ZFHX3: variants seen among roughly 807,000 people sequenced by gnomAD.
The protein encoded by ZFHX3 is zinc finger homeobox protein 3.
Under a neutral mutation model 279.1 loss-of-function variants are expected in ZFHX3, and 42 were observed. The ratio of observed to expected loss-of-function variants is 0.15; its 90% confidence interval spans 0.12 to 0.19. ZFHX3 has a LOEUF of 0.19. Among genes scored for constraint, ZFHX3 ranks in the 10% least tolerant of loss-of-function variants. The pLI is 1.00. For synonymous variants in ZFHX3, 2,293 were observed against 1,957.8 expected, an observed-to-expected ratio of 1.17 and a Z score of -4.52; for missense variants, 4,981 against 4,754.0, an observed-to-expected ratio of 1.05 and a Z score of -1.40.
intron 4 of ZFHX3, among the ~76,000 whole-genome samples, chr16:73,288,748 T>C (rs908398908): frequency 2.6e-5 from 4 of 152,082 alleles, no homozygotes; most frequent in Non-Finnish European, 4.4e-5. Flanking sequence ...GCCAAGATTA[T>C]GTCTTCAGTG....
At chr16:73,355,925 G>C (rs927044055) in intron 3 of ZFHX3, among the ~76,000 whole-genome samples, 4 of 152,178 alleles carry the variant, frequency 2.6e-5, no homozygotes, top group Non-Finnish European at 4.4e-5. Flanking sequence ...ATTACTGAGA[G>C]AGTTGAGCCT....
intron 4 of ZFHX3, among the ~76,000 whole-genome samples, chr16:72,878,737 C>A (rs868475026): frequency 6.6e-6 from 1 of 152,246 alleles, no homozygotes; most frequent in Middle Eastern, 3.4e-3. Context: ...GCAAGGAGGC[C>A]AGACGCAGTG....
intron 1 of ZFHX3, among the ~76,000 whole-genome samples, chr16:72,996,845 A>G (rs765290737): frequency 1.3e-5 from 2 of 152,258 alleles, no homozygotes; most frequent in Admixed American, 1.3e-4. Context: ...GATCACAAAG[A>G]AAAGACAAAC....
intron 1 of ZFHX3, among the ~76,000 whole-genome samples, chr16:73,882,496 G>A (rs1033888379): frequency 1.3e-5 from 2 of 151,520 alleles, no homozygotes; most frequent in African/African-American, 2.4e-5. Context: ...CTCTTTAACC[G>A]CGGTTCTCCA....
chr16:73,412,929 T>C (rs924583703), intron 3 of ZFHX3, among the ~76,000 whole-genome samples: 12 of 152,190 alleles, frequency 7.9e-5, no homozygotes, highest in Non-Finnish European at 1.6e-4. Flanking sequence ...ATAATACAGA[T>C]GCATTTATGG....
intron 2 of ZFHX3, among the ~76,000 whole-genome samples, chr16:73,664,273 C>T (rs2052813419): frequency 1.3e-5 from 2 of 152,088 alleles, no homozygotes; most frequent in South Asian, 4.1e-4. Context: ...TGGGCTAGCA[C>T]TATTTAGTGC....
chr16:73,787,831 G>T (rs974137466), intron 1 of ZFHX3, among the ~76,000 whole-genome samples: 4 of 147,526 alleles, frequency 2.7e-5, no homozygotes, highest in Non-Finnish European at 3.0e-5. Context: ...GTGTGTGTGT[G>T]TGTGTGTGTG....
chr16:73,184,032 A>G (rs768029341), intron 5 of ZFHX3, among the ~76,000 whole-genome samples: 4 of 152,104 alleles, frequency 2.6e-5, no homozygotes, highest in Non-Finnish European at 5.9e-5. Flanking sequence ...TGTGTCTCTA[A>G]AGAAGAGGCC....
chr16:72,974,734 T>C (rs1962271913), intron 1 of ZFHX3, among the ~76,000 whole-genome samples: 1 of 152,150 alleles, frequency 6.6e-6, no homozygotes, highest in African/African-American at 2.4e-5. Context: ...GGTAGAGACA[T>C]TGGTAAAGGC....
At chr16:73,063,649 G>T (rs1428987912), upstream of ZFHX3, among the ~76,000 whole-genome samples, 1 of 152,052 alleles carries the variant, frequency 6.6e-6, no homozygotes, top group East Asian at 1.9e-4. Flanking sequence ...CCCCCTGGCA[G>T]GACTAGGCCG....
At chr16:73,354,297 A>G (rs2016297024) in intron 3 of ZFHX3, among the ~76,000 whole-genome samples, 1 of 152,254 alleles carries the variant, frequency 6.6e-6, no homozygotes, top group South Asian at 2.1e-4. Context: ...AAGTTTTTAT[A>G]GTTTTAAGCT....
intron 5 of ZFHX3, among the ~76,000 whole-genome samples, chr16:73,239,068 T>C (rs984849329): frequency 6.6e-6 from 1 of 152,174 alleles, no homozygotes; most frequent in Admixed American, 6.5e-5. Context: ...GTGCCCTTCA[T>C]CCCTGTCTTC....
intron 1 of ZFHX3, among the ~76,000 whole-genome samples, chr16:73,800,024 T>A (rs1231161310): frequency 1.3e-5 from 2 of 151,786 alleles, no homozygotes; most frequent in African/African-American, 4.8e-5. Context: ...CAAAAAAGAG[T>A]TAATTTGTAT....
intron 3 of ZFHX3, among the ~76,000 whole-genome samples, chr16:73,435,837 A>G (rs1009399189): frequency 6.6e-6 from 1 of 152,158 alleles, no homozygotes; most frequent in African/African-American, 2.4e-5. Flanking sequence ...GGTCAGGGGT[A>G]TCTGCTGCTG....
At chr16:73,039,200 C>A (rs114908615) in intron 1 of ZFHX3, among the ~76,000 whole-genome samples, 6 of 152,056 alleles carry the variant, frequency 3.9e-5, no homozygotes, top group Non-Finnish European at 8.8e-5. Context: ...TCAAGCAATC[C>A]GCCTGCCTCT....
intron 8 of ZFHX3, among the ~76,000 whole-genome samples, chr16:73,071,836 G>A (rs996879158): frequency 1.3e-5 from 2 of 152,164 alleles, no homozygotes; most frequent in Admixed American, 6.5e-5. Flanking sequence ...CTTTGAAAGC[G>A]GACAGCAAGG....
chr16:73,472,818 C>G (rs1485525120), intron 2 of ZFHX3, among the ~76,000 whole-genome samples: 1 of 152,166 alleles, frequency 6.6e-6, no homozygotes, highest in African/African-American at 2.4e-5. Context: ...CACCACCTCT[C>G]TCCCTCAGCT....
intron 3 of ZFHX3, among the ~76,000 whole-genome samples, chr16:73,448,137 T>C (rs906140881): frequency 1.3e-5 from 2 of 152,140 alleles, no homozygotes; most frequent in African/African-American, 4.8e-5. Flanking sequence ...TCAGAGCCCA[T>C]CCAGGGTAAC....
At chr16:72,800,207 A>G in intron 7 of ZFHX3, 78 bp from the exon 8 acceptor site, 1 of 1,240,554 alleles carries the variant, frequency 8.1e-7, no homozygotes, top group Non-Finnish European at 1.2e-6. Context: ...TTATTTAATA[A>G]GCAAAATTAG....
Sources: gnomAD v4.1 joint callset for allele counts (sites outside exome capture counted in the v4.1 genomes callset) on GRCh38, gnomAD v4.1.1 for gene constraint, MANE v1.5 for transcripts, NCBI Gene and HGNC (gene_info 2026-07-23, HGNC 2026-07-21) for gene names.